Variants in METTL15 observed in about 807,000 individuals in gnomAD.
METTL15 encodes the protein methyltransferase 15, mitochondrial 12S rRNA N4-cytidine.
Under a neutral mutation model 38.3 loss-of-function variants are expected in METTL15, and 34 were observed. The ratio of observed to expected loss-of-function variants is 0.89; its 90% CI spans 0.68 to 1.18. METTL15 has a LOEUF of 1.18. METTL15 is among the 50% of genes most tolerant of loss of function. The pLI is 0.00. For synonymous variants in METTL15, 162 were observed against 170.9 expected (o/e 0.95, Z 0.41); for missense variants, 438 against 498.4 (o/e 0.88, Z 1.15).
chr11:28,499,647 C>A (rs1851565618), intron 6 of METTL15, among the ~76,000 whole-genome samples: 1 of 152,124 alleles, frequency 6.6e-6, no homozygotes, highest in African/African-American at 2.4e-5. Context: ...AGAGTGACTG[C>A]TGAATAAGTG....
intron 3 of METTL15, among the ~76,000 whole-genome samples, chr11:28,187,525 T>TG (rs1367733790): frequency 1.4e-5 from 1 of 69,928 alleles, no homozygotes; most frequent in Admixed American, 1.2e-4. Flanking sequence ...ATGTTTGTGC[T>TG]TTTTTTTTTT....
At chr11:28,275,493 T>A (rs1398737435) in intron 4 of METTL15, among the ~76,000 whole-genome samples, 1 of 151,890 alleles carries the variant, frequency 6.6e-6, no homozygotes, top group Non-Finnish European at 1.5e-5. Context: ...AGCCCAGGAC[T>A]ATATGGATTC....
intron 4 of METTL15, among the ~76,000 whole-genome samples, chr11:28,223,539 G>T (rs1399814358): frequency 1.3e-5 from 2 of 152,118 alleles, no homozygotes; most frequent in Admixed American, 6.5e-5. Context: ...TGTCATTTTA[G>T]AGTAAACACC....
At chr11:28,221,930 G>A (rs1000129545) in intron 4 of METTL15, among the ~76,000 whole-genome samples, 4 of 152,036 alleles carry the variant, frequency 2.6e-5, no homozygotes, top group Admixed American at 1.3e-4. Context: ...TCTCAGAGGG[G>A]TACCTGGCCG....
intron 4 of METTL15, among the ~76,000 whole-genome samples, chr11:28,221,431 T>C (rs1853215599): frequency 6.6e-6 from 1 of 152,198 alleles, no homozygotes; most frequent in Non-Finnish European, 1.5e-5. Flanking sequence ...TAAGGACTTG[T>C]CTGCATTGGT....
intron 6 of METTL15, among the ~76,000 whole-genome samples, chr11:28,502,260 A>T (rs1213042714): frequency 6.6e-6 from 1 of 152,190 alleles, no homozygotes; most frequent in East Asian, 1.9e-4. Flanking sequence ...TACTAAAAAA[A>T]GGTTTTTAAT....
At chr11:28,499,016 T>C (rs528171471) in intron 6 of METTL15, among the ~76,000 whole-genome samples, 23 of 152,236 alleles carry the variant, frequency 1.5e-4, no homozygotes, top group Non-Finnish European at 3.1e-4. Context: ...TGTATGATCA[T>C]GGACAAGCTA....
chr11:28,431,711 C>A (rs1240308922), intron 6 of METTL15, among the ~76,000 whole-genome samples: 1 of 97,816 alleles, frequency 1.0e-5, no homozygotes, highest in Non-Finnish European at 2.1e-5. Flanking sequence ...TGCTGACCTT[C>A]CCTCCACTAT....
intron 6 of METTL15, among the ~76,000 whole-genome samples, chr11:28,510,710 T>C (rs963188949): frequency 3.3e-5 from 5 of 152,120 alleles, no homozygotes; most frequent in African/African-American, 1.2e-4. Context: ...GCAAACTGAG[T>C]AGCTGATTTG....
At chr11:28,247,601 C>T (rs1307167449) in intron 4 of METTL15, among the ~76,000 whole-genome samples, 1 of 152,038 alleles carries the variant, frequency 6.6e-6, no homozygotes, top group Non-Finnish European at 1.5e-5. Context: ...AAGTTCAAAA[C>T]CTAAGAACAC....
intron 4 of METTL15, among the ~76,000 whole-genome samples, chr11:28,289,304 T>C (rs1346267531): frequency 6.6e-6 from 1 of 152,170 alleles, no homozygotes; most frequent in African/African-American, 2.4e-5. Context: ...ACTTTCTCCA[T>C]TGGAATTGTA....
intron 5 of METTL15, among the ~76,000 whole-genome samples, chr11:28,411,883 A>G (rs1325346171): frequency 2.6e-5 from 4 of 152,126 alleles, no homozygotes; most frequent in Non-Finnish European, 5.9e-5. Flanking sequence ...AAGAACTTTT[A>G]CAATTCAATT....
chr11:28,235,713 C>T (rs1478440122), intron 4 of METTL15, among the ~76,000 whole-genome samples: 2 of 151,942 alleles, frequency 1.3e-5, no homozygotes, highest in Admixed American at 6.6e-5. Flanking sequence ...TGGGCTGAGA[C>T]AATGGGGTTT....
intron 5 of METTL15, among the ~76,000 whole-genome samples, chr11:28,365,914 G>A (rs1343612954): frequency 6.6e-6 from 1 of 152,024 alleles, no homozygotes; most frequent in Non-Finnish European, 1.5e-5. Context: ...AGTCGGGCGT[G>A]GTGGCAGGCA....
chr11:28,198,666 G>A (rs1565159113), intron 3 of METTL15, among the ~76,000 whole-genome samples: 2 of 152,090 alleles, frequency 1.3e-5, no homozygotes, highest in Non-Finnish European at 1.5e-5. Context: ...GTAAGTGTTA[G>A]CAGACAGATA....
At chr11:28,222,043 A>G (rs917431623) in intron 4 of METTL15, among the ~76,000 whole-genome samples, 1 of 152,164 alleles carries the variant, frequency 6.6e-6, no homozygotes, top group African/African-American at 2.4e-5. Flanking sequence ...TCAGATCTCA[A>G]GCTGCATGCT....
chr11:28,382,262 G>T (rs1250878353), intron 5 of METTL15, among the ~76,000 whole-genome samples: 1 of 152,180 alleles, frequency 6.6e-6, no homozygotes, highest in Non-Finnish European at 1.5e-5. Flanking sequence ...GATGTGGCGT[G>T]TCTTTGGGCA....
intron 3 of METTL15, among the ~76,000 whole-genome samples, chr11:28,134,930 T>G (rs1376020441): frequency 2.4e-4 from 36 of 152,152 alleles, no homozygotes; most frequent in Non-Finnish European, 1.5e-5. Flanking sequence ...CCTTGAGTTA[T>G]GGGCTCTGTG....
At chr11:28,269,165 A>G (rs1855545533) in intron 4 of METTL15, among the ~76,000 whole-genome samples, 1 of 152,152 alleles carries the variant, frequency 6.6e-6, no homozygotes, top group Admixed American at 6.5e-5. Flanking sequence ...CAAAGTTTTG[A>G]CGTCAGAGTA....
Sources: allele counts gnomAD v4.1 joint callset (sites outside exome capture counted in the v4.1 genomes callset), GRCh38; gene constraint gnomAD v4.1.1; transcripts MANE v1.5; gene names NCBI Gene and HGNC (gene_info 2026-07-23, HGNC 2026-07-21).